Variants in SCML4 observed in about 807,000 individuals in gnomAD.
SCML4 encodes sex comb on midleg-like protein 4.
SCML4 carries 34 observed loss-of-function variants against 41.1 expected under a neutral mutation model. The observed-to-expected ratio is 0.83, with a 90% CI of 0.63 to 1.10. The LOEUF is 1.10. SCML4 is among the 50% of genes least tolerant of loss of function. The probability of loss-of-function intolerance (pLI) is 0.00; values close to 1 mark genes in which losing one functional copy is unlikely to be tolerated. For missense variants in SCML4, 522 were observed against 534.1 expected, an observed-to-expected ratio of 0.98 and a Z score of 0.22; for synonymous variants, 214 against 220.9, an observed-to-expected ratio of 0.97 and a Z score of 0.28.
At chr6:107,770,171 A>C (rs1045626426) in intron 2 of SCML4, among the ~76,000 whole-genome samples, 2 of 152,142 alleles carry the variant, frequency 1.3e-5, no homozygotes, top group Non-Finnish European at 2.9e-5. Context: ...AACTGGGGAG[A>C]TTAATAGGTT....
At chr6:107,778,245 A>G (rs1312030936) in intron 1 of SCML4, among the ~76,000 whole-genome samples, 1 of 82,260 alleles carries the variant, frequency 1.2e-5, no homozygotes, top group African/African-American at 5.7e-5. Flanking sequence ...ATATATATAT[A>G]TATATATATA....
chr6:107,743,093 C>T (rs1235198290), intron 5 of SCML4, among the ~76,000 whole-genome samples: 1 of 152,080 alleles, frequency 6.6e-6, no homozygotes, highest in Non-Finnish European at 1.5e-5. Context: ...TGTTTCTATT[C>T]TTGTCTGTGT....
chr6:107,816,223 C>T (rs999070421), intron 1 of SCML4, among the ~76,000 whole-genome samples: 6 of 152,096 alleles, frequency 3.9e-5, no homozygotes, highest in African/African-American at 9.7e-5. Context: ...GGATCAAACA[C>T]GATAAGTAAG....
chr6:107,766,022 T>G (rs1369410410), intron 2 of SCML4, among the ~76,000 whole-genome samples: 1 of 152,238 alleles, frequency 6.6e-6, no homozygotes, highest in Non-Finnish European at 1.5e-5. Context: ...TGGTGGCACA[T>G]GCCTGTAGTC....
intron 7 of SCML4, among the ~76,000 whole-genome samples, chr6:107,707,367 C>G (rs1392591526): frequency 1.2e-5 from 1 of 84,972 alleles, no homozygotes; most frequent in Non-Finnish European, 2.7e-5. Context: ...ATTATTGATT[C>G]TTATCTTTAA....
At chr6:107,751,584 TTCTTTC>T (rs1778640076) in intron 2 of SCML4, among the ~76,000 whole-genome samples, 1 of 103,454 alleles carries the variant, frequency 9.7e-6, no homozygotes, top group Non-Finnish European at 2.0e-5. Context: ...CTTTCTTTCT[TTCTTTC>T]TTTCTTTCTT....
chr6:107,836,456 A>G, the SCML4 span, among the ~76,000 whole-genome samples: 2 of 152,126 alleles, frequency 1.3e-5, no homozygotes, highest in African/African-American at 2.4e-5. Context: ...CTCAAGTCCA[A>G]TGTCCAGATA....
chr6:107,825,990 C>T (rs1195724795), upstream of SCML4, among the ~76,000 whole-genome samples: 1 of 147,964 alleles, frequency 6.8e-6, no homozygotes, highest in Non-Finnish European at 1.5e-5. Context: ...TGTGGTGGCT[C>T]ATGCCTGTAA....
chr6:107,761,442 G>GTGT (rs1554213666), intron 2 of SCML4, among the ~76,000 whole-genome samples: 122 of 20,034 alleles, frequency 6.1e-3, no homozygotes, highest in East Asian at 0.025. Flanking sequence ...AATATCTTTG[G>GTGT]TTTTTTTTTT....
chr6:107,721,197 T>C (rs934051430), intron 5 of SCML4, among the ~76,000 whole-genome samples: 1 of 152,186 alleles, frequency 6.6e-6, no homozygotes, highest in Admixed American at 6.5e-5. Context: ...AGGAGCATAT[T>C]GTAATAGGAA....
At chr6:107,784,715 C>A (rs1781752701) in intron 1 of SCML4, among the ~76,000 whole-genome samples, 1 of 152,228 alleles carries the variant, frequency 6.6e-6, no homozygotes, top group South Asian at 2.1e-4. Context: ...ATATCCTCAG[C>A]TTTTGATCAG....
intron 1 of SCML4, among the ~76,000 whole-genome samples, chr6:107,780,000 T>A (rs971194003): frequency 1.3e-5 from 2 of 152,156 alleles, no homozygotes; most frequent in Admixed American, 1.3e-4. Context: ...TATCTGTACA[T>A]CCATGGAGGC....
At chr6:107,844,471 G>C in the SCML4 span, among the ~76,000 whole-genome samples, 2 of 152,246 alleles carry the variant, frequency 1.3e-5, no homozygotes, top group African/African-American at 4.8e-5. Flanking sequence ...GCCGAGGCTG[G>C]AGGATCACTT....
At position 107,720,891 on chromosome 6, in the gene SCML4, T is replaced by C; in HGVS notation, c.785A>G (p.His262Arg). ...CTTGCAGTACAGCGAGGAGGAGGGG[T>C]GCAAGGAGCCCCTGTGGTTAAAGGT... ...ASTFNHRGSL[H>R]PSSSLYCKRQ... Residue 262 changes from histidine (H) to arginine (R), a missense_variant, in exon 6 of 8, where the codon CAC becomes CGC. By Grantham distance (29) the His-to-Arg change is conservative. Coordinates refer to ENST00000369020, the MANE Select transcript of SCML4 (RefSeq NM_198081.5). 6.2e-7 allele frequency: 1 copy of C among 1,613,984 alleles called. No individual in the cohort carries two copies.
intron 5 of SCML4, among the ~76,000 whole-genome samples, chr6:107,723,362 T>C (rs1172006558): frequency 6.6e-6 from 1 of 152,200 alleles, no homozygotes; most frequent in Non-Finnish European, 1.5e-5. Context: ...AATTTTATGA[T>C]AAAGTATTGA....
chr6:107,751,606 C>A (rs1778653529), intron 2 of SCML4, among the ~76,000 whole-genome samples: 1 of 144,028 alleles, frequency 6.9e-6, no homozygotes, highest in Non-Finnish European at 1.5e-5. Context: ...TTCTTTCTTT[C>A]TTTCTTTCTT....
rs117571824 is a variant in SCML4 at position 107,736,457 on chromosome 6, C to T, written c.682+8492G>A. Among the ~76,000 whole-genome samples, 59 of 152,172 alleles carry T rather than the reference C, an allele frequency of 3.9e-4. No homozygotes were observed. In the East Asian group the frequency reaches 9.5e-3, roughly 24 times the overall value. ...AACTTGGAGAGGAAAAGCAAAGGGC[C>T]GGGGATGAGAAGACCTGCTCTCGGT... is the stretch of plus-strand genomic sequence containing the variant. On this transcript the variant is annotated intron_variant, in intron 5 of 7. Coordinates refer to ENST00000369020, the MANE Select transcript of SCML4 (RefSeq NM_198081.5).
At chr6:107,844,573 C>T in the SCML4 span, among the ~76,000 whole-genome samples, 1 of 151,888 alleles carries the variant, frequency 6.6e-6, no homozygotes, top group East Asian at 2.0e-4. Flanking sequence ...GTAGCACAGG[C>T]CTGTAGTCCC....
chr6:107,751,539 A>G lies in SCML4; in HGVS notation c.157-1726T>C, dbSNP rs77842748. On this transcript the variant is annotated intron_variant, in intron 2 of 7. Coordinates refer to ENST00000369020, the MANE Select transcript of SCML4 (RefSeq NM_198081.5). ...ATTACTCTTGAACTCTTTTGAGCAGAGAAACAATAGGATTTAAACTAACAT... is the reference window on the plus strand; with the variant it reads ...ATTACTCTTGAACTCTTTTGAGCAGGGAAACAATAGGATTTAAACTAACAT... 4.5e-3 allele frequency among the ~76,000 whole-genome samples: 688 copies of G among 151,848 alleles called. 9 individuals are homozygous for G. In the East Asian group the frequency reaches 0.055, roughly 12 times the overall value.
Sources: allele counts gnomAD v4.1 joint callset (sites outside exome capture counted in the v4.1 genomes callset), GRCh38; gene constraint gnomAD v4.1.1; transcripts MANE v1.5; gene names NCBI Gene and HGNC (gene_info 2026-07-23, HGNC 2026-07-21).